Variants in ILRUN observed in about 807,000 individuals in gnomAD.
The protein encoded by ILRUN is protein ILRUN.
Under a neutral mutation model 33.8 loss-of-function variants are expected in ILRUN, and 3 were observed. The observed-to-expected ratio is 0.09, with a 90% CI of 0.04 to 0.23. ILRUN has a LOEUF of 0.23. Among genes scored for constraint, ILRUN ranks in the 10% least tolerant of loss-of-function variants. The pLI is 1.00. For missense variants in ILRUN, 210 were observed against 375.1 expected (o/e 0.56, Z 3.64); for synonymous variants, 124 against 138.9 (o/e 0.89, Z 0.75).
intron 1 of ILRUN, among the ~76,000 whole-genome samples, chr6:34,660,235 T>C (rs936778311): frequency 2.0e-5 from 3 of 150,638 alleles, no homozygotes; most frequent in Non-Finnish European, 3.0e-5. Context: ...CCCAGGAGGG[T>C]GAGGCTGCGG....
intron 1 of ILRUN, among the ~76,000 whole-genome samples, chr6:34,691,619 A>C (rs1359567455): frequency 6.6e-6 from 1 of 152,132 alleles, no homozygotes; most frequent in Non-Finnish European, 1.5e-5. Flanking sequence ...AACATGGTAA[A>C]ACCCCGTCTC....
chr6:34,645,080 C>T (rs1762540347), intron 3 of ILRUN, among the ~76,000 whole-genome samples: 2 of 152,138 alleles, frequency 1.3e-5, no homozygotes, highest in Admixed American at 6.5e-5. Context: ...CTAATATTAA[C>T]ATTTCTAAAG....
chr6:34,616,392 T>TA, intron 3 of ILRUN: 1 of 464,886 alleles, frequency 2.2e-6, no homozygotes, highest in Non-Finnish European at 3.8e-6. Flanking sequence ...TGCTGAGCTA[T>TA]AAGCTACAGG....
At chr6:34,667,861 G>A (rs1390013136) in intron 1 of ILRUN, among the ~76,000 whole-genome samples, 1 of 152,082 alleles carries the variant, frequency 6.6e-6, no homozygotes, top group Non-Finnish European at 1.5e-5. Flanking sequence ...AGTCTAAAGA[G>A]ACATGATAAC....
chr6:34,632,445 T>TA (rs1226546608), intron 3 of ILRUN, among the ~76,000 whole-genome samples: 3 of 149,672 alleles, frequency 2.0e-5, no homozygotes, highest in South Asian at 2.1e-4. Context: ...CATCTCAAAA[T>TA]AAAAAAAAAT....
At chr6:34,684,099 G>C (rs984965401) in intron 1 of ILRUN, among the ~76,000 whole-genome samples, 4 of 151,538 alleles carry the variant, frequency 2.6e-5, no homozygotes, top group African/African-American at 9.7e-5. Flanking sequence ...CAAAAAACCA[G>C]GACATTTCCT....
intron 3 of ILRUN, among the ~76,000 whole-genome samples, chr6:34,627,871 T>C (rs1221864014): frequency 6.6e-6 from 1 of 151,882 alleles, no homozygotes; most frequent in African/African-American, 2.4e-5. Flanking sequence ...ACCCGGCTAA[T>C]TTTTGTATTT....
In ILRUN at chr6:34,683,522, ATATATACATATT is replaced by A. The variant is rs1562033441; in HGVS notation, c.158+12912_158+12923del. ...TACATATATATATATATACATATAT[ATATATACATATT>A]GCACAGAATATTCTGTGCAATGGGG... On this transcript the variant is annotated intron_variant, in intron 1 of 4. Coordinates refer to ENST00000374023, the MANE Select transcript of ILRUN (RefSeq NM_024294.4). 2.8e-4 allele frequency among the ~76,000 whole-genome samples: 25 copies of A among 89,434 alleles called. 1 individual carries two copies. Among genetic ancestry groups the A allele is most frequent in the African/African-American group, 8.5e-4 (13 of 15,208 alleles). 58.7% of individuals were successfully genotyped at this position (89,434 alleles called of 152,430 possible). A position where few individuals can be genotyped will look rare whatever the true frequency, so the allele number is the denominator to read the frequency against.
intron 3 of ILRUN, among the ~76,000 whole-genome samples, chr6:34,620,429 C>T (rs1156933439): frequency 6.6e-6 from 1 of 152,136 alleles, no homozygotes; most frequent in African/African-American, 2.4e-5. Context: ...TTAAGGGTAA[C>T]GTCTGAGGAT....
chr6:34,681,652 G>A (rs1330492023), intron 1 of ILRUN, among the ~76,000 whole-genome samples: 1 of 151,918 alleles, frequency 6.6e-6, no homozygotes, highest in Admixed American at 6.6e-5. Flanking sequence ...TTTTAGTCCT[G>A]TTGCATTTTG....
rs1352198677 is a variant in ILRUN at position 34,629,341 on chromosome 6, G to C, written c.511+17260C>G. Among the ~76,000 whole-genome samples, 3 of 152,186 alleles carry C rather than the reference G, an allele frequency of 2.0e-5. No individual in the cohort carries two copies. In the East Asian group the frequency reaches 5.8e-4, roughly 29 times the overall value. On this transcript the variant is annotated intron_variant, in intron 3 of 4. Coordinates refer to ENST00000374023, the MANE Select transcript of ILRUN (RefSeq NM_024294.4). ...AGGTTATCAAGTTTGTGGGCACAGA[G>C]TTGCTTGTAATATTTCTTAATTATC...
Position 34,646,940 on chromosome 6 carries a change from T to C in ILRUN, c.314-142A>G. The C allele has an allele frequency of 2.9e-6, 2 of 697,156 alleles. No homozygotes were observed. Among genetic ancestry groups the C allele is most frequent in the Non-Finnish European group, 4.8e-6 (2 of 412,990 alleles). 43.2% of individuals were successfully genotyped at this position (697,156 alleles called of 1,614,324 possible). ...AACCACATATACCTAAGCCATATAT[T>C]GTCTCACACAACTGATCAAAAGGAA... On this transcript the variant is annotated intron_variant, in intron 2 of 4. Transcript: ENST00000374023. The surrounding 1 kb of genome is among the most constrained non-coding windows in gnomAD (Gnocchi z 4.9).
chr6:34,633,582 A>G (rs1762289635), intron 3 of ILRUN, among the ~76,000 whole-genome samples: 1 of 151,954 alleles, frequency 6.6e-6, no homozygotes, highest in South Asian at 2.1e-4. Context: ...CCAGTGTGGT[A>G]GCTCAAGTCT....
chr6:34,669,716 CA>C (rs1255851654), intron 1 of ILRUN, among the ~76,000 whole-genome samples: 1 of 151,974 alleles, frequency 6.6e-6, no homozygotes, highest in Admixed American at 6.6e-5. Context: ...CTAGATGATA[CA>C]AAACTAATTA....
intron 3 of ILRUN, among the ~76,000 whole-genome samples, chr6:34,644,023 C>A (rs571103974): frequency 6.6e-6 from 1 of 152,172 alleles, no homozygotes; most frequent in South Asian, 2.1e-4. Flanking sequence ...TTTTTAATTC[C>A]ATTTTTCCAA....
rs1761251143 is a variant in ILRUN at position 34,589,250 on chromosome 6, C to A, written c.*1315G>T. 1.3e-5 allele frequency: 2 copies of A among 152,418 alleles called. No homozygotes were observed. Among genetic ancestry groups the A allele is most frequent in the Non-Finnish European group, 2.9e-5 (2 of 68,052 alleles). 9.4% of individuals were successfully genotyped at this position (152,418 alleles called of 1,614,324 possible). A position where few individuals can be genotyped will look rare whatever the true frequency, so the allele number is the denominator to read the frequency against. On this transcript the variant is annotated 3_prime_UTR_variant, in exon 5 of 5. Transcript: ENST00000374023. The stretch of plus-strand genomic sequence containing the variant: ...ACAGGATGCCAGGGCAGGCCACCTG[C>A]CTGAGTGAGCAGCCAGTCAATCAGC...
At chr6:34,622,544 A>G (rs1762032727) in intron 3 of ILRUN, among the ~76,000 whole-genome samples, 1 of 152,182 alleles carries the variant, frequency 6.6e-6, no homozygotes, top group Non-Finnish European at 1.5e-5. Context: ...CTACTAAAAA[A>G]AAAAAAATCC....
rs141111013 is a variant in ILRUN at position 34,624,030 on chromosome 6, C to T, written c.512-17126G>A. On this transcript the variant is annotated intron_variant, in intron 3 of 4. Transcript: ENST00000374023. ...TATTTTTAGTAGAGACAGGGTTTCA[C>T]CATGTTGGCCAGGCTGGTCTTGAAC... is the stretch of plus-strand genomic sequence containing the variant. Among the ~76,000 whole-genome samples the T allele has an allele frequency of 4.3e-3, 650 of 152,240 alleles. 5 individuals are homozygous for T. The highest frequency in any genetic ancestry group is 0.015 in the African/African-American group (606 of 41,552).
At chr6:34,638,864 T>C (rs941121632) in intron 3 of ILRUN, among the ~76,000 whole-genome samples, 5 of 152,042 alleles carry the variant, frequency 3.3e-5, no homozygotes, top group Non-Finnish European at 5.9e-5. Flanking sequence ...AAAAGAACAA[T>C]GTTCTAAAGG....
Sources: allele counts gnomAD v4.1 joint callset (sites outside exome capture counted in the v4.1 genomes callset), GRCh38; gene constraint gnomAD v4.1.1; non-coding constraint Gnocchi (gnomAD v3.1); transcripts MANE v1.5; gene names NCBI Gene and HGNC (gene_info 2026-07-23, HGNC 2026-07-21).